FBLN7: variants seen among roughly 807,000 people sequenced by gnomAD.
FBLN7 encodes the protein fibulin-7.
Under a neutral mutation model 44.0 loss-of-function variants are expected in FBLN7, and 31 were observed. The ratio of observed to expected loss-of-function variants is 0.70; its 90% CI spans 0.53 to 0.95. The LOEUF is 0.95. Among genes scored for constraint, FBLN7 ranks in the 40% least tolerant of loss-of-function variants. The pLI, the probability that FBLN7 is intolerant of heterozygous loss-of-function variation, is 0.00. For synonymous variants in FBLN7, 262 were observed against 253.4 expected, an observed-to-expected ratio of 1.03 and a Z score of -0.32; for missense variants, 573 against 618.5, an observed-to-expected ratio of 0.93 and a Z score of 0.78.
At chr2:112,160,810 A>T (rs557636727) in intron 2 of FBLN7, among the ~76,000 whole-genome samples, 1 of 146,454 alleles carries the variant, frequency 6.8e-6, no homozygotes, top group Non-Finnish European at 1.5e-5. Flanking sequence ...GCACGCACAC[A>T]CACGCACACA....
intron 2 of FBLN7, among the ~76,000 whole-genome samples, chr2:112,160,691 C>T (rs1474785071): frequency 8.3e-6 from 1 of 120,818 alleles, no homozygotes; most frequent in African/African-American, 3.4e-5. Flanking sequence ...CGCACGCACA[C>T]GCACACACGC....
In FBLN7 at chr2:112,187,640, A is replaced by G; in HGVS notation, c.*134A>G. 1 of 1,239,036 alleles carries G rather than the reference A, an allele frequency of 8.1e-7. No homozygotes were observed. The highest frequency in any genetic ancestry group is 2.3e-5 in the Admixed American group (1 of 44,258). The allele number at this position is 1,239,036 out of a possible 1,614,324, so 76.8% of individuals were successfully genotyped here. A position where few individuals can be genotyped will look rare whatever the true frequency, so the allele number is the denominator to read the frequency against. On this transcript the variant is annotated 3_prime_UTR_variant, in exon 8 of 8. Transcript: ENST00000331203. This position sits in a 1 kb window ranked among gnomAD's most constrained non-coding sequence, Gnocchi z 5.1. Reference sequence around the variant, plus strand: ...ACCAGTGCACCCAGGCTTCTAGGGCAGCGTTGCACGGCGCCCCATGGAATA... The same window carrying G: ...ACCAGTGCACCCAGGCTTCTAGGGCGGCGTTGCACGGCGCCCCATGGAATA...
intron 2 of FBLN7, among the ~76,000 whole-genome samples, chr2:112,160,326 TG>T (rs879730685): frequency 3.9e-5 from 6 of 152,142 alleles, no homozygotes; most frequent in Admixed American, 2.0e-4. Flanking sequence ...TTGGTGGCAG[TG>T]GGGGTGGGGG....
intron 3 of FBLN7, among the ~76,000 whole-genome samples, chr2:112,175,293 G>A (rs1039283954): frequency 6.6e-6 from 1 of 152,254 alleles, no homozygotes; most frequent in African/African-American, 2.4e-5. Flanking sequence ...GCTGGCTGAT[G>A]GAGCAGAAGG....
At chr2:112,225,160 A>G in the FBLN7 span, among the ~76,000 whole-genome samples, 1 of 152,142 alleles carries the variant, frequency 6.6e-6, no homozygotes, top group Non-Finnish European at 1.5e-5. Context: ...TATTAACTCT[A>G]GTAGGTTTTA....
chr2:112,187,438 C>T lies in FBLN7; in HGVS notation c.1252C>T (p.Leu418=). ...GGTGGACGTCGACATGTCGGAATAC[C>T]TGGACCGCTCCTTCCAGGCCAACCA... ...LEVDVDMSEY[L]DRSFQANHVS... Residue 418 remains leucine, a synonymous_variant, in exon 8 of 8, where the codon CTG becomes TTG. Coordinates refer to ENST00000331203, the MANE Select transcript of FBLN7 (RefSeq NM_153214.3). This position sits in a 1 kb window ranked among gnomAD's most constrained non-coding sequence, Gnocchi z 5.1. 6.2e-7 allele frequency: 1 copy of T among 1,614,196 alleles called. No homozygotes were observed. The highest frequency in any genetic ancestry group is 8.5e-7 in the Non-Finnish European group (1 of 1,180,044).
intron 1 of FBLN7, among the ~76,000 whole-genome samples, chr2:112,144,986 C>T (rs1484954526): frequency 6.6e-6 from 1 of 152,194 alleles, no homozygotes; most frequent in African/African-American, 2.4e-5. Flanking sequence ...ATTGTTGGGT[C>T]ATATGGTAAA....
At chr2:112,197,274 C>CACACAGAGAGAGAGAG in the FBLN7 span, among the ~76,000 whole-genome samples, 1 of 98,660 alleles carries the variant, frequency 1.0e-5, no homozygotes, top group African/African-American at 3.3e-5. Context: ...CACACACACA[C>CACACAGAGAGAGAGAG]AGAGAGAGAG....
the FBLN7 span, chr2:112,212,965 CTTTTTTTTTTTTT>C: frequency 1.2e-5 from 1 of 84,918 alleles, no homozygotes; most frequent in Admixed American, 1.3e-4. Flanking sequence ...AGAAGAAATG[CTTTTTTTTTTTTT>C]TTTTTTTTTT....
At chr2:112,153,755 A>G (rs1343659258) in intron 1 of FBLN7, among the ~76,000 whole-genome samples, 1 of 152,190 alleles carries the variant, frequency 6.6e-6, no homozygotes, top group Admixed American at 6.5e-5. Flanking sequence ...AGGCCCAGCC[A>G]TCCTGCAAGT....
the FBLN7 span, among the ~76,000 whole-genome samples, chr2:112,224,298 T>C: frequency 6.6e-6 from 1 of 152,218 alleles, no homozygotes; most frequent in Non-Finnish European, 1.5e-5. Flanking sequence ...AGAAAAACTC[T>C]GGTCATGTCA....
intron 1 of FBLN7, among the ~76,000 whole-genome samples, chr2:112,140,358 G>T (rs1023657918): frequency 1.3e-5 from 2 of 152,100 alleles, no homozygotes; most frequent in Admixed American, 6.5e-5. Context: ...TCTCTCCCCT[G>T]TCCCGCGCGC....
At chr2:112,159,043 A>G (rs1681581562) in intron 1 of FBLN7, among the ~76,000 whole-genome samples, 1 of 152,234 alleles carries the variant, frequency 6.6e-6, no homozygotes, top group Non-Finnish European at 1.5e-5. Context: ...ACAAGCAAAC[A>G]AAAAGTATGA....
At chr2:112,182,977 G>A in intron 6 of FBLN7, 49 bp downstream of exon 6, 1 of 1,601,394 alleles carries the variant, frequency 6.2e-7, no homozygotes, top group Non-Finnish European at 8.5e-7. Context: ...CTGCTGCTGT[G>A]CTGAACCCCC....
At chr2:112,159,200 T>C (rs535469939) in intron 1 of FBLN7, among the ~76,000 whole-genome samples, 3 of 152,168 alleles carry the variant, frequency 2.0e-5, no homozygotes, top group Admixed American at 2.0e-4. Flanking sequence ...AGTTTTTTTT[T>C]TTCTTATTTC....
At chr2:112,198,495 A>G in the FBLN7 span, among the ~76,000 whole-genome samples, 3 of 152,006 alleles carry the variant, frequency 2.0e-5, no homozygotes, top group African/African-American at 7.3e-5. Flanking sequence ...AAAATTAGCC[A>G]GGTGTATTGG....
chr2:112,140,392 G>A (rs72831604), intron 1 of FBLN7, among the ~76,000 whole-genome samples: 3,514 of 152,196 alleles, frequency 0.023, 36 homozygotes, highest in African/African-American at 0.028. Context: ...CCAAGGCTGG[G>A]GGACCCGGGC....
intron 1 of FBLN7, among the ~76,000 whole-genome samples, chr2:112,155,794 T>A (rs1319947198): frequency 6.6e-6 from 1 of 152,172 alleles, no homozygotes; most frequent in Non-Finnish European, 1.5e-5. Context: ...GGGTTAGAAA[T>A]ACTTGGCTGC....
the FBLN7 span, among the ~76,000 whole-genome samples, chr2:112,239,122 AAG>A: frequency 1.3e-5 from 2 of 152,318 alleles, no homozygotes; most frequent in South Asian, 4.1e-4. Context: ...TACTTGCAGA[AAG>A]AGTTTCCTAA....
Sources: gnomAD v4.1 joint callset for allele counts (sites outside exome capture counted in the v4.1 genomes callset) on GRCh38, gnomAD v4.1.1 for gene constraint, Gnocchi (gnomAD v3.1) non-coding constraint, MANE v1.5 for transcripts, NCBI Gene and HGNC (gene_info 2026-07-23, HGNC 2026-07-21) for gene names.